ZDHHC19: variants seen among roughly 807,000 people sequenced by gnomAD.
ZDHHC19 encodes zDHHC palmitoyltransferase 19.
In ZDHHC19, 30 loss-of-function variants were observed where a neutral mutation model predicts 33.9. The ratio of observed to expected loss-of-function variants is 0.88; its 90% CI spans 0.66 to 1.20. ZDHHC19 has a LOEUF of 1.20. ZDHHC19 is among the 50% of genes most tolerant of loss of function. The pLI is 0.00. For synonymous variants in ZDHHC19, 178 were observed against 167.6 expected (o/e 1.06, Z -0.48); for missense variants, 364 against 401.1 (o/e 0.91, Z 0.79).
chr3:196,207,601 G>T (rs1203477377), intron 4 of ZDHHC19, 98 bp from the exon 5 acceptor site: 2 of 239,134 alleles, frequency 8.4e-6, no homozygotes, highest in Non-Finnish European at 1.2e-5. Flanking sequence ...CCGGACGCCC[G>T]CCCCTCAGGC....
chr3:196,200,597 G>T (rs1028514970), intron 5 of ZDHHC19, among the ~76,000 whole-genome samples: 3 of 148,034 alleles, frequency 2.0e-5, no homozygotes, highest in Non-Finnish European at 4.4e-5. Flanking sequence ...CTCGTGATCC[G>T]CCCACCTTGG....
At position 196,210,587 on chromosome 3, in the gene ZDHHC19, C is replaced by T. The variant is rs563766438; in HGVS notation, c.268+29G>A. Reference sequence around the variant, plus strand: ...CAGGTTCCCAGCCCTTGAGTGACACCTCCTTTTCCCAGGGGGCTGATGCCT... The same window carrying T: ...CAGGTTCCCAGCCCTTGAGTGACACTTCCTTTTCCCAGGGGGCTGATGCCT... On this transcript the variant is annotated intron_variant, in intron 2 of 7. Coordinates refer to ENST00000296326, the MANE Select transcript of ZDHHC19 (RefSeq NM_001039617.2). The T allele has an allele frequency of 4.0e-5, 65 of 1,613,668 alleles. 1 individual carries two copies. The South Asian group carries it at 5.4e-4, about 13-fold the overall frequency.
chr3:196,210,400 AGGG>A (rs1560142989), intron 2 of ZDHHC19, among the ~76,000 whole-genome samples: 16 of 144,312 alleles, frequency 1.1e-4, no homozygotes, highest in African/African-American at 4.0e-4. Flanking sequence ...GGAAAGAAAG[AGGG>A]AGAGAGAGAG....
At position 196,209,152 on chromosome 3, in the gene ZDHHC19, G is replaced by C. The variant is rs996754684; in HGVS notation, c.408+224C>G. On this transcript the variant is annotated intron_variant, in intron 3 of 7. Coordinates refer to ENST00000296326, the MANE Select transcript of ZDHHC19 (RefSeq NM_001039617.2). ...GACCCAGCCCAGGACAGATGCGGAT[G>C]CCCTGTGCATGTCAGCACCTCTGCA... is the stretch of plus-strand genomic sequence containing the variant. 2.0e-5 allele frequency: 12 copies of C among 596,078 alleles called. No individual in the cohort carries two copies. In the African/African-American group the frequency reaches 2.1e-4, roughly 10 times the overall value. 36.9% of individuals were successfully genotyped at this position (596,078 alleles called of 1,614,324 possible). A position where few individuals can be genotyped will look rare whatever the true frequency, so the allele number is the denominator to read the frequency against.
chr3:196,207,361 C>A, intron 5 of ZDHHC19, 37 bp downstream of exon 5: 1 of 1,530,302 alleles, frequency 6.5e-7, no homozygotes, highest in Non-Finnish European at 8.8e-7. Context: ...CGCGGAGGTC[C>A]CCGAGGTGCA....
In ZDHHC19 at chr3:196,197,602, G is replaced by A. The variant is rs189719332; in HGVS notation, c.*143C>T. On this transcript the variant is annotated 3_prime_UTR_variant, in exon 8 of 8. Coordinates refer to ENST00000296326, the MANE Select transcript of ZDHHC19 (RefSeq NM_001039617.2). This position sits in a 1 kb window ranked among gnomAD's most constrained non-coding sequence, Gnocchi z 4.4. ...GGTTCAGGAGGCGGGTTCAGGAGGCGGGTTCGGAGGTGAGCTCAGGTGCTG... is the reference window on the plus strand; with the variant it reads ...GGTTCAGGAGGCGGGTTCAGGAGGCAGGTTCGGAGGTGAGCTCAGGTGCTG... 436 of 153,034 alleles carry A rather than the reference G, an allele frequency of 2.8e-3. 17 individuals carry two copies. The South Asian group carries it at 0.067, about 23-fold the overall frequency. 9.5% of individuals were successfully genotyped at this position (153,034 alleles called of 1,614,324 possible). A position where few individuals can be genotyped will look rare whatever the true frequency, so the allele number is the denominator to read the frequency against.
chr3:196,208,572 G>A lies in ZDHHC19; in HGVS notation c.409-12C>T. 1.9e-6 allele frequency: 3 copies of A among 1,613,516 alleles called. No homozygotes were observed. Among genetic ancestry groups the A allele is most frequent in the Non-Finnish European group, 2.5e-6 (3 of 1,179,738 alleles). ...TGGTGGTCAAAGTCCTGGGCGACAG[G>A]GAGAGGGGCCAGGCTTGAGGACTTC... is the stretch of plus-strand genomic sequence containing the variant. On this transcript the variant is annotated splice_polypyrimidine_tract_variant and intron_variant, in intron 3 of 7. Coordinates refer to ENST00000296326, the MANE Select transcript of ZDHHC19 (RefSeq NM_001039617.2).
chr3:196,211,174 A>T lies in ZDHHC19; in HGVS notation c.142T>A (p.Phe48Ile). The change falls in exon 1 of 8, where the codon TTC becomes ATC. Residue 48 changes from phenylalanine to isoleucine, a missense_variant. Physicochemically the swap from Phe to Ile is conservative, Grantham distance 21. Coordinates refer to ENST00000296326, the MANE Select transcript of ZDHHC19 (RefSeq NM_001039617.2). ...LVFFSGLFFA[F>I]PCRWLAQNGE... Reference sequence around the variant, plus strand: ...CGGCTTGCCTGGAAAACTCACGGGAATGCGAAGAAGAGGCCACTGAAAAAG... The same window carrying T: ...CGGCTTGCCTGGAAAACTCACGGGATTGCGAAGAAGAGGCCACTGAAAAAG... The T allele has an allele frequency of 6.2e-7, 1 of 1,614,172 alleles. No individual in the cohort carries two copies. Among genetic ancestry groups the T allele is most frequent in the African/African-American group, 1.3e-5 (1 of 75,042 alleles).
chr3:196,210,525 A>G (rs1723206341), intron 2 of ZDHHC19, 91 bp downstream of exon 2: 4 of 1,561,330 alleles, frequency 2.6e-6, no homozygotes, highest in Admixed American at 1.7e-5. Context: ...AGGCTGGAGG[A>G]GGGTCAGTAG....
At chr3:196,210,500 G>C in intron 2 of ZDHHC19, 116 bp downstream of exon 2, 1 of 1,329,432 alleles carries the variant, frequency 7.5e-7, no homozygotes, top group South Asian at 1.3e-5. Flanking sequence ...GAAGACGTGG[G>C]GTGAAGGGGT....
At chr3:196,201,594 G>T (rs1054704764) in intron 5 of ZDHHC19, among the ~76,000 whole-genome samples, 3 of 152,022 alleles carry the variant, frequency 2.0e-5, no homozygotes, top group Admixed American at 2.0e-4. Context: ...GGTGGCATGT[G>T]CCTGTAATCC....
At chr3:196,207,971 C>A (rs1039559574) in intron 4 of ZDHHC19, among the ~76,000 whole-genome samples, 1 of 150,592 alleles carries the variant, frequency 6.6e-6, no homozygotes. Flanking sequence ...ACAATCACCG[C>A]TCACTGCAGC....
chr3:196,208,791 G>T, intron 3 of ZDHHC19: 1 of 547,658 alleles, frequency 1.8e-6, no homozygotes, highest in Non-Finnish European at 3.2e-6. Flanking sequence ...AAGACCTTTA[G>T]AGAGAAGACT....
chr3:196,208,428 G>A lies in ZDHHC19; in HGVS notation c.541C>T (p.Arg181Cys). 1.2e-6 allele frequency: 2 copies of A among 1,614,114 alleles called. No homozygotes were observed. Among genetic ancestry groups the A allele is most frequent in the South Asian group, 1.1e-5 (1 of 91,082 alleles). Residue 181 changes from arginine to cysteine, a missense_variant, in exon 4 of 8, where the codon CGC (arginine) becomes TGC (cysteine). Transcript: ENST00000296326. ...GTGGAGAAGGGCAGGTGGGTTGTGC[G>A]CACCAGGAAGATGAGACAGGTGACC... ...MLVTCLIFLVRTTHLPFSTDK... is the reference protein window; with the variant it reads ...MLVTCLIFLVCTTHLPFSTDK...
In ZDHHC19 at chr3:196,207,430, C is replaced by A; in HGVS notation, c.655G>T (p.Val219Leu). ...TTGTAGGTGCGGTCGGCCGAGCTCA[C>A]GGACAGTGCCTGGATCAGCAGCAGG... ...SLLLLIQALS[V>L]SSADRTYKGK... The change falls in exon 5 of 8, where the codon GTG becomes TTG. Residue 219 changes from valine to leucine, a missense_variant. Transcript: ENST00000296326. 6.4e-7 allele frequency: 1 copy of A among 1,572,004 alleles called. No individual in the cohort carries two copies. The highest frequency in any genetic ancestry group is 8.6e-7 in the Non-Finnish European group (1 of 1,159,742).
At chr3:196,209,919 C>T (rs936147572) in intron 2 of ZDHHC19, among the ~76,000 whole-genome samples, 18 of 152,128 alleles carry the variant, frequency 1.2e-4, no homozygotes, top group African/African-American at 4.3e-4. Context: ...GGGCCGGGCG[C>T]GGGGGCTCAC....
intron 3 of ZDHHC19, 131 bp downstream of exon 3, chr3:196,209,245 T>G: frequency 1.5e-6 from 2 of 1,302,450 alleles, no homozygotes; most frequent in Non-Finnish European, 2.1e-6. Flanking sequence ...TGGCTGGGAG[T>G]TACTGCCACC....
At position 196,207,480 on chromosome 3, in the gene ZDHHC19, G is replaced by C. The variant is rs770888668; in HGVS notation, c.605C>G (p.Ala202Gly). The change falls in exon 5 of 8, where the codon GCG becomes GGG. Residue 202 changes from alanine (A) to glycine (G), a missense_variant. Coordinates refer to ENST00000296326, the MANE Select transcript of ZDHHC19 (RefSeq NM_001039617.2). ...AIAIVVAVSAAGLLVPLSLLL... is the reference protein window; with the variant it reads ...AIAIVVAVSAGGLLVPLSLLL... ...GAGGGACAGCGGCACCAGGAGGCCC[G>C]CGGCGGACACGGCCACCACGATGCT... The C allele has an allele frequency of 1.3e-6, 2 of 1,567,240 alleles. No individual in the cohort carries two copies. Among genetic ancestry groups the C allele is most frequent in the South Asian group, 2.3e-5 (2 of 85,322 alleles).
chr3:196,199,267 C>T (rs1722049537), intron 5 of ZDHHC19: 1 of 213,702 alleles, frequency 4.7e-6, no homozygotes. Context: ...CTCCTCTCTC[C>T]CCTTCGCCCA....
Sources: gnomAD v4.1 joint callset for allele counts (sites outside exome capture counted in the v4.1 genomes callset) on GRCh38, gnomAD v4.1.1 for gene constraint, Gnocchi (gnomAD v3.1) non-coding constraint, MANE v1.5 for transcripts, NCBI Gene and HGNC (gene_info 2026-07-23, HGNC 2026-07-21) for gene names.